DYNC1H1: variants seen among roughly 807,000 people sequenced by gnomAD.
The protein encoded by DYNC1H1 is cytoplasmic dynein 1 heavy chain 1.
A neutral mutation model predicts 527.1 loss-of-function variants in DYNC1H1; 51 were observed. The ratio of observed to expected loss-of-function variants is 0.10; its 90% CI spans 0.08 to 0.12. The LOEUF is 0.12. Among genes scored for constraint, DYNC1H1 ranks in the 10% least tolerant of loss-of-function variants. DYNC1H1 has a pLI of 1.00. For synonymous variants in DYNC1H1, 2,189 were observed against 2,278.8 expected, an observed-to-expected ratio of 0.96 and a Z score of 1.12; for missense variants, 2,771 against 5,971.8, an observed-to-expected ratio of 0.46 and a Z score of 17.66.
chr14:102,029,245 A>C lies in DYNC1H1; in HGVS notation c.9469-294A>C. On this transcript the variant is annotated intron_variant, in intron 48 of 77. Transcript: ENST00000360184. The surrounding 1 kb of genome is among the most constrained non-coding windows in gnomAD (Gnocchi z 5.3). ...AATAAAAGGTGGAAGCAGGCTAGCT[A>C]ACCTTTCTATAGTAACTGACATTTG... 1 of 441,560 alleles carries C rather than the reference A, an allele frequency of 2.3e-6. No individual in the cohort carries two copies. The highest frequency in any genetic ancestry group is 2.0e-5 in the African/African-American group (1 of 50,294). The allele number at this position is 441,560 out of a possible 1,614,324, so 27.4% of individuals were successfully genotyped here. A position where few individuals can be genotyped will look rare whatever the true frequency, so the allele number is the denominator to read the frequency against.
chr14:102,039,797 A>T lies in DYNC1H1; in HGVS notation c.11690+65A>T. On this transcript the variant is annotated intron_variant, in intron 62 of 77. Transcript: ENST00000360184. This position sits in a 1 kb window ranked among gnomAD's most constrained non-coding sequence, Gnocchi z 7.0. ...GGTGGCCCCCAAGGGTTTCATGATC[A>T]GATACATGCTTTTATTATTTCTTTT... The T allele has an allele frequency of 6.7e-7, 1 of 1,499,330 alleles. No individual in the cohort carries two copies. The highest frequency in any genetic ancestry group is 1.4e-5 in the African/African-American group (1 of 72,904). The allele number at this position is 1,499,330 out of a possible 1,614,324, so 92.9% of individuals were successfully genotyped here.
At position 102,050,506 on chromosome 14, in the gene DYNC1H1, A is replaced by G. The variant is rs1443579245; in HGVS notation, c.13884A>G (p.Thr4628=). Residue 4628 remains threonine (T), a synonymous_variant, in exon 78 of 78, where the codon ACA becomes ACG. Coordinates refer to ENST00000360184, the MANE Select transcript of DYNC1H1 (RefSeq NM_001376.5). The part of the protein sequence containing the change: ...LIFTVDFEIA[T]KEDPRSFYER... ...TCACCGTGGACTTCGAAATTGCTACAAAGGAGGATCCTCGCAGCTTCTACG... is the reference window on the plus strand; with the variant it reads ...TCACCGTGGACTTCGAAATTGCTACGAAGGAGGATCCTCGCAGCTTCTACG... 3 of 1,614,172 alleles carry G rather than the reference A, an allele frequency of 1.9e-6. No individual in the cohort carries two copies. Among genetic ancestry groups the G allele is most frequent in the South Asian group, 1.1e-5 (1 of 91,076 alleles).
chr14:102,006,985 C>T (rs765902028), intron 27 of DYNC1H1, 23 bp from the exon 28 acceptor site: 2 of 1,609,254 alleles, frequency 1.2e-6, no homozygotes, highest in African/African-American at 1.3e-5. Context: ...GACTCAAGCA[C>T]TCTGTTGCTT....
intron 72 of DYNC1H1, among the ~76,000 whole-genome samples, chr14:102,046,756 G>A (rs1351129188): frequency 6.6e-6 from 1 of 151,704 alleles, no homozygotes; most frequent in Non-Finnish European, 1.5e-5. Flanking sequence ...CCAGGGTCCT[G>A]AAGAGCCTTC....
intron 56 of DYNC1H1, chr14:102,035,523 C>T (rs542480277): frequency 9.8e-5 from 15 of 152,380 alleles, no homozygotes; most frequent in African/African-American, 3.4e-4. Context: ...AGTTCCACTT[C>T]TAGGTGTTCA....
In DYNC1H1 at chr14:102,017,616, T is replaced by A. The variant is rs1266044209; in HGVS notation, c.8177+112T>A. 3.2e-6 allele frequency: 5 copies of A among 1,569,000 alleles called. No homozygotes were observed. Among genetic ancestry groups the A allele is most frequent in the Non-Finnish European group, 4.4e-6 (5 of 1,143,446 alleles). On this transcript the variant is annotated intron_variant, in intron 40 of 77. Coordinates refer to ENST00000360184, the MANE Select transcript of DYNC1H1 (RefSeq NM_001376.5). This position sits in a 1 kb window ranked among gnomAD's most constrained non-coding sequence, Gnocchi z 4.6. ...ATAATAAAGACAACAATACTGCTTA[T>A]TGTGGATTCCTCTTGGGTTACTTCT...
chr14:102,010,421 G>A lies in DYNC1H1; in HGVS notation c.6367G>A (p.Asp2123Asn). The A allele has an allele frequency of 6.2e-7, 1 of 1,614,162 alleles. No individual in the cohort carries two copies. The highest frequency in any genetic ancestry group is 8.5e-7 in the Non-Finnish European group (1 of 1,180,016). Residue 2123 changes from aspartate (D) to asparagine (N), a missense_variant, in exon 31 of 78, where the codon GAT becomes AAT. This residue lies in a region of DYNC1H1 where 56 missense variants were observed against 140.6 expected (regional missense o/e 0.40). Coordinates refer to ENST00000360184, the MANE Select transcript of DYNC1H1 (RefSeq NM_001376.5). This position sits in a 1 kb window ranked among gnomAD's most constrained non-coding sequence, Gnocchi z 6.0. Reference sequence around the variant, plus strand: ...GAAAGAGGAACGAGGGGAAGCAGTTGATGAAGGAGAAATTGCTGAAAATCT... The same window carrying A: ...GAAAGAGGAACGAGGGGAAGCAGTTAATGAAGGAGAAATTGCTGAAAATCT... ...REKEERGEAVDEGEIAENLPE... is the reference protein window; with the variant it reads ...REKEERGEAVNEGEIAENLPE...
intron 12 of DYNC1H1, 111 bp from the exon 13 acceptor site, chr14:101,994,562 T>A: frequency 2.1e-6 from 3 of 1,445,146 alleles, no homozygotes; most frequent in Non-Finnish European, 2.9e-6. Flanking sequence ...AGAATTTCTC[T>A]AATAGTGGTG....
chr14:101,966,218 A>C (rs1269751847), intron 1 of DYNC1H1, among the ~76,000 whole-genome samples: 1 of 152,218 alleles, frequency 6.6e-6, no homozygotes, highest in Non-Finnish European at 1.5e-5. Context: ...ATTCTTACTC[A>C]GAAGATGCTT....
At position 102,012,452 on chromosome 14, in the gene DYNC1H1, C is replaced by T; in HGVS notation, c.6996C>T (p.Arg2332=). 6.2e-7 allele frequency: 1 copy of T among 1,614,182 alleles called. No individual in the cohort carries two copies. The highest frequency in any genetic ancestry group is 1.3e-5 in the African/African-American group (1 of 75,050). Reference sequence around the variant, plus strand: ...TCCTAACTTTGCCCAATGGAGAGCGCCTCAGTCTTCCACCCAATGTAAGTA... The same window carrying T: ...TCCTAACTTTGCCCAATGGAGAGCGTCTCAGTCTTCCACCCAATGTAAGTA... ...NKLLTLPNGE[R]LSLPPNVRIM... is the part of the protein sequence containing the mutation. Residue 2332 remains arginine, a synonymous_variant, in exon 34 of 78, where the codon CGC becomes CGT. Transcript: ENST00000360184. The surrounding 1 kb of genome is among the most constrained non-coding windows in gnomAD (Gnocchi z 4.9).
Position 102,026,047 on chromosome 14 carries a change from G to A in DYNC1H1, c.8638-527G>A, listed in dbSNP as rs550774845. Among the ~76,000 whole-genome samples, 6 of 151,390 alleles carry A rather than the reference G, an allele frequency of 4.0e-5. No individual in the cohort carries two copies. The South Asian group carries it at 8.4e-4, about 21-fold the overall frequency. On this transcript the variant is annotated intron_variant, in intron 43 of 77. Coordinates refer to ENST00000360184, the MANE Select transcript of DYNC1H1 (RefSeq NM_001376.5). Reference sequence around the variant, plus strand: ...GGAGAATTGCTTGAACCCAGGAGGCGGAGGTTGCAGTGAGCTGAGATCGTG... The same window carrying A: ...GGAGAATTGCTTGAACCCAGGAGGCAGAGGTTGCAGTGAGCTGAGATCGTG...
chr14:102,015,466 C>A lies in DYNC1H1; in HGVS notation c.7242+134C>A. On this transcript the variant is annotated intron_variant, in intron 35 of 77. Transcript: ENST00000360184. This position sits in a 1 kb window ranked among gnomAD's most constrained non-coding sequence, Gnocchi z 6.9. ...CCACCTGCCTTGGCCTCTCAAAGTG[C>A]TGGGATTACAGGCATGAGTCACTGT... 1 of 1,065,590 alleles carries A rather than the reference C, an allele frequency of 9.4e-7. No individual in the cohort carries two copies. Among genetic ancestry groups the A allele is most frequent in the Non-Finnish European group, 1.3e-6 (1 of 746,184 alleles). 66.0% of individuals were successfully genotyped at this position (1,065,590 alleles called of 1,614,324 possible).
rs2048325890 is a variant in DYNC1H1, at chr14:102,016,620, T to C, written c.7614+131T>C. On this transcript the variant is annotated intron_variant, in intron 37 of 77. Transcript: ENST00000360184. The surrounding 1 kb of genome is among the most constrained non-coding windows in gnomAD (Gnocchi z 7.3). ...CATTTCATAGAAGGACTTTATCCTT[T>C]TAGTTCCATGTGTTAGCAAAGAGTG... 2 of 1,569,456 alleles carry C rather than the reference T, an allele frequency of 1.3e-6. No individual in the cohort carries two copies. The highest frequency in any genetic ancestry group is 1.7e-4 in the Middle Eastern group (1 of 5,736).
At position 102,054,730 on chromosome 14, in the gene DYNC1H1, G is replaced by A. The variant is rs12893565; in HGVS notation, c.*4167G>A. 9,413 of 152,082 alleles carry A rather than the reference G, an allele frequency of 0.062. 334 individuals are homozygous for A. The highest frequency in any genetic ancestry group is 0.12 in the South Asian group (588 of 4,812). 9.4% of individuals were successfully genotyped at this position (152,082 alleles called of 1,614,324 possible). ...ACTACAGGCACCCACCACCATGCCC[G>A]GCTAATTTTTCTATTTTTAGTAGAG... On this transcript the variant is annotated 3_prime_UTR_variant, in exon 78 of 78. Coordinates refer to ENST00000360184, the MANE Select transcript of DYNC1H1 (RefSeq NM_001376.5).
Position 102,020,891 on chromosome 14 carries a change from G to A in DYNC1H1, c.8507+835G>A, listed in dbSNP as rs920157219. Among the ~76,000 whole-genome samples, 4 of 152,166 alleles carry A rather than the reference G, an allele frequency of 2.6e-5. No individual in the cohort carries two copies. Among genetic ancestry groups the A allele is most frequent in the African/African-American group, 7.2e-5 (3 of 41,438 alleles). On this transcript the variant is annotated intron_variant, in intron 42 of 77. Transcript: ENST00000360184. The surrounding 1 kb of genome is among the most constrained non-coding windows in gnomAD (Gnocchi z 4.3). ...GTTGTAATCACTGGGTTTCCAACCCGAGTCCTTGGCATTCTTGGGCAACAC... is the reference window on the plus strand; with the variant it reads ...GTTGTAATCACTGGGTTTCCAACCCAAGTCCTTGGCATTCTTGGGCAACAC...
Position 102,012,844 on chromosome 14 carries a change from G to A in DYNC1H1, c.7014+374G>A. On this transcript the variant is annotated intron_variant, in intron 34 of 77. Transcript: ENST00000360184. The surrounding 1 kb of genome is among the most constrained non-coding windows in gnomAD (Gnocchi z 4.9). ...CTAGGCTGTCCCTTGGAAAATGAGTGCATGATGCAGGTGCCTGACAACACC... is the reference window on the plus strand; with the variant it reads ...CTAGGCTGTCCCTTGGAAAATGAGTACATGATGCAGGTGCCTGACAACACC... 1 of 351,740 alleles carries A rather than the reference G, an allele frequency of 2.8e-6. No homozygotes were observed. Among genetic ancestry groups the A allele is most frequent in the Non-Finnish European group, 5.5e-6 (1 of 183,108 alleles). The allele number at this position is 351,740 out of a possible 1,614,324, so 21.8% of individuals were successfully genotyped here. A position where few individuals can be genotyped will look rare whatever the true frequency, so the allele number is the denominator to read the frequency against.
chr14:102,017,570 C>A lies in DYNC1H1; in HGVS notation c.8177+66C>A. 1 of 1,613,742 alleles carries A rather than the reference C, an allele frequency of 6.2e-7. No individual in the cohort carries two copies. Among genetic ancestry groups the A allele is most frequent in the Non-Finnish European group, 8.5e-7 (1 of 1,179,768 alleles). On this transcript the variant is annotated intron_variant, in intron 40 of 77. Coordinates refer to ENST00000360184, the MANE Select transcript of DYNC1H1 (RefSeq NM_001376.5). The surrounding 1 kb of genome is among the most constrained non-coding windows in gnomAD (Gnocchi z 4.6). Reference sequence around the variant, plus strand: ...AGCTCCAGGATTGCTGTAAACACAGCGCCACAAAAACCTGGTTTTGATAAT... The same window carrying A: ...AGCTCCAGGATTGCTGTAAACACAGAGCCACAAAAACCTGGTTTTGATAAT...
Position 102,017,342 on chromosome 14 carries a change from T to C in DYNC1H1, c.8056-41T>C, listed in dbSNP as rs745397522. The C allele has an allele frequency of 9.9e-6, 16 of 1,614,118 alleles. No individual in the cohort carries two copies. The highest frequency in any genetic ancestry group is 1.2e-5 in the Non-Finnish European group (14 of 1,180,052). ...CTTCCTGCCCCACAATGTTTCTTGT[T>C]CAAGTTTTGCTCTTAATGTGGTACC... On this transcript the variant is annotated intron_variant, in intron 39 of 77. Coordinates refer to ENST00000360184, the MANE Select transcript of DYNC1H1 (RefSeq NM_001376.5). This position sits in a 1 kb window ranked among gnomAD's most constrained non-coding sequence, Gnocchi z 4.6.
intron 15 of DYNC1H1, 135 bp downstream of exon 15, chr14:101,995,435 T>C (rs1228060750): frequency 1.2e-5 from 14 of 1,131,522 alleles, no homozygotes; most frequent in African/African-American, 4.6e-5. Context: ...CACGGTGAAA[T>C]GCTGTCTCTA....
Sources: allele counts gnomAD v4.1 joint callset (sites outside exome capture counted in the v4.1 genomes callset), GRCh38; gene constraint gnomAD v4.1.1; regional missense constraint gnomAD v4.1.1; non-coding constraint Gnocchi (gnomAD v3.1); transcripts MANE v1.5; gene names NCBI Gene and HGNC (gene_info 2026-07-23, HGNC 2026-07-21).